The following TDRD10 variants were observed in gnomAD, a reference collection of about 807,000 sequenced individuals.
TDRD10 encodes tudor domain-containing protein 10.
Under a neutral mutation model 48.0 loss-of-function variants are expected in TDRD10, and 40 were observed. That is an observed-to-expected ratio of 0.83 (90% CI 0.65 to 1.09). The LOEUF (loss-of-function observed/expected upper bound fraction) is 1.09, where lower values mean the gene tolerates loss of function less well. TDRD10 is among the 50% of genes least tolerant of loss of function. The probability of loss-of-function intolerance (pLI) is 0.00; values close to 1 mark genes in which losing one functional copy is unlikely to be tolerated. For missense variants in TDRD10, 378 were observed against 434.7 expected (o/e 0.87, Z 1.16); for synonymous variants, 162 against 170.4 (o/e 0.95, Z 0.38).
chr1:154,537,852 A>G (rs1477433951), intron 6 of TDRD10, among the ~76,000 whole-genome samples: 4 of 152,204 alleles, frequency 2.6e-5, no homozygotes, highest in Admixed American at 2.6e-4. Context: ...GTCCCAGAAC[A>G]AAGTAAAGGG....
rs751982492 is a variant in TDRD10, at chr1:154,520,347, T to A, written c.185T>A (p.Val62Asp). 1.2e-6 allele frequency: 2 copies of A among 1,613,966 alleles called. No individual in the cohort carries two copies. The highest frequency in any genetic ancestry group is 8.5e-7 in the Non-Finnish European group (1 of 1,179,832). The change falls in exon 5 of 13, where the codon GTC (valine) becomes GAC (aspartate). Residue 62 changes from valine to aspartate, a missense_variant. By Grantham distance (152) the Val-to-Asp change is radical (BLOSUM62 -3). Around this residue, in one of 2 missense-constraint regions of TDRD10, gnomAD observed 310 missense variants for 323.6 expected, o/e 0.96. Coordinates refer to ENST00000368482, the MANE Select transcript of TDRD10 (RefSeq NM_182499.4). ...CTAAAGGACTTCAACCCTCTTGATGTCCACAAAATCCAGAATGGCTGCAAA... is the reference window on the plus strand; with the variant it reads ...CTAAAGGACTTCAACCCTCTTGATGACCACAAAATCCAGAATGGCTGCAAA... ...YLLKDFNPLDVHKIQNGCKCF... is the reference protein window; with the variant it reads ...YLLKDFNPLDDHKIQNGCKCF...
intron 8 of TDRD10, among the ~76,000 whole-genome samples, chr1:154,543,166 T>C (rs1695344392): frequency 6.6e-6 from 1 of 152,048 alleles, no homozygotes; most frequent in African/African-American, 2.4e-5. Flanking sequence ...TCCCAGCTAC[T>C]TGGGAGGCTG....
At chr1:154,544,620 T>G (rs952631201) in intron 10 of TDRD10, 103 bp downstream of exon 10, 47 of 1,496,698 alleles carry the variant, frequency 3.1e-5, no homozygotes, top group Middle Eastern at 3.8e-4. Context: ...TTCCTGTGGC[T>G]TCTTCTCTCA....
chr1:154,529,003 C>T (rs1216135128), intron 6 of TDRD10, among the ~76,000 whole-genome samples: 1 of 152,120 alleles, frequency 6.6e-6, no homozygotes, highest in Non-Finnish European at 1.5e-5. Flanking sequence ...CTTTACCTTT[C>T]CCTGTTAATA....
chr1:154,540,763 T>A (rs1695182667), intron 6 of TDRD10, among the ~76,000 whole-genome samples: 1 of 152,092 alleles, frequency 6.6e-6, no homozygotes, highest in African/African-American at 2.4e-5. Context: ...GCACTGGAGA[T>A]GGCCTTGGAG....
chr1:154,510,740 G>A (rs894870587), intron 4 of TDRD10, among the ~76,000 whole-genome samples: 11 of 152,062 alleles, frequency 7.2e-5, no homozygotes, highest in Non-Finnish European at 1.6e-4. Flanking sequence ...TACTACAGTA[G>A]CCAGTATTTT....
chr1:154,513,619 G>C (rs1163823653), intron 4 of TDRD10, among the ~76,000 whole-genome samples: 1 of 152,116 alleles, frequency 6.6e-6, no homozygotes, highest in Admixed American at 6.6e-5. Context: ...GAGATAACCA[G>C]ATATGAGCCC....
Position 154,545,033 on chromosome 1 carries a change from A to G in TDRD10, c.952+84A>G, listed in dbSNP as rs376302248. ...TTCTGGGACCTGAACAGGAAGCAGC[A>G]TAGTGGGCGGCCAAGGTGCTTCAGT... On this transcript the variant is annotated intron_variant, in intron 11 of 12. Transcript: ENST00000368482. 340 of 1,537,568 alleles carry G rather than the reference A, an allele frequency of 2.2e-4. 5 individuals are homozygous for G. The East Asian group carries it at 5.8e-3, about 26-fold the overall frequency.
chr1:154,537,066 C>T (rs927324419), intron 6 of TDRD10, among the ~76,000 whole-genome samples: 6 of 152,178 alleles, frequency 3.9e-5, no homozygotes, highest in African/African-American at 1.4e-4. Context: ...CACCTTAGGG[C>T]CTCTGGACCT....
chr1:154,521,003 T>G (rs942780732), intron 5 of TDRD10, among the ~76,000 whole-genome samples: 1 of 152,196 alleles, frequency 6.6e-6, no homozygotes, highest in African/African-American at 2.4e-5. Context: ...CCTCCCAAAG[T>G]GCTGGGATTG....
chr1:154,513,278 A>G (rs1010463212), intron 4 of TDRD10, among the ~76,000 whole-genome samples: 1 of 152,212 alleles, frequency 6.6e-6, no homozygotes, highest in African/African-American at 2.4e-5. Flanking sequence ...ATGGAAAGAT[A>G]ATGGTTCATT....
chr1:154,520,539 TGTGACCCA>T (rs1352595659), intron 5 of TDRD10, among the ~76,000 whole-genome samples, 165 bp downstream of exon 5: 2 of 152,178 alleles, frequency 1.3e-5, no homozygotes, highest in East Asian at 3.8e-4. Context: ...TATTTAACCC[TGTGACCCA>T]GCAGCGAATA....
At chr1:154,520,526 C>G (rs1186740152) in intron 5 of TDRD10, 152 bp downstream of exon 5, 4 of 646,444 alleles carry the variant, frequency 6.2e-6, no homozygotes, top group African/African-American at 5.4e-5. Context: ...AACCCCCTTT[C>G]CATATTTAAC....
At chr1:154,518,567 G>A (rs1170639492) in intron 4 of TDRD10, among the ~76,000 whole-genome samples, 3 of 152,048 alleles carry the variant, frequency 2.0e-5, no homozygotes, top group Non-Finnish European at 4.4e-5. Flanking sequence ...AGCTGGGACT[G>A]CAGGTGCCCG....
At chr1:154,531,633 A>T (rs1290392800) in intron 6 of TDRD10, among the ~76,000 whole-genome samples, 1 of 152,148 alleles carries the variant, frequency 6.6e-6, no homozygotes, top group East Asian at 1.9e-4. Flanking sequence ...GGCAGTGTGG[A>T]CCCGAAGAGT....
intron 11 of TDRD10, among the ~76,000 whole-genome samples, chr1:154,545,769 GTC>G (rs1243833655): frequency 7.2e-6 from 1 of 139,592 alleles, no homozygotes; most frequent in Admixed American, 7.2e-5. Flanking sequence ...GACAAACTAA[GTC>G]TTTTTTTTTT....
chr1:154,508,574 G>C, intron 4 of TDRD10, 93 bp downstream of exon 4: 1 of 858,870 alleles, frequency 1.2e-6, no homozygotes, highest in Non-Finnish European at 2.0e-6. Context: ...AGTTTTTAAA[G>C]ACGTTTGAGA....
chr1:154,507,480 T>C (rs911620502), intron 3 of TDRD10, among the ~76,000 whole-genome samples, 160 bp downstream of exon 3: 1 of 152,158 alleles, frequency 6.6e-6, no homozygotes, highest in Non-Finnish European at 1.5e-5. Context: ...TCCTGTCTCA[T>C]AGTGGATGTG....
rs569513068 is a variant in TDRD10 at position 154,538,853 on chromosome 1, A to G, written c.370-3171A>G. Among the ~76,000 whole-genome samples the G allele has an allele frequency of 4.2e-4, 42 of 100,408 alleles. 1 individual carries two copies. The highest frequency in any genetic ancestry group is 8.5e-4 in the Non-Finnish European group (37 of 43,344). 65.9% of individuals were successfully genotyped at this position (100,408 alleles called of 152,430 possible). ...GGGTGACGGAGCGAGACTCCATCTCACGGTGCTTTGTTATGGGTAAAGAAG... is the reference window on the plus strand; with the variant it reads ...GGGTGACGGAGCGAGACTCCATCTCGCGGTGCTTTGTTATGGGTAAAGAAG... On this transcript the variant is annotated intron_variant, in intron 6 of 12. Transcript: ENST00000368482.
Sources: allele counts gnomAD v4.1 joint callset (sites outside exome capture counted in the v4.1 genomes callset), GRCh38; gene constraint gnomAD v4.1.1; regional missense constraint gnomAD v4.1.1; transcripts MANE v1.5; gene names NCBI Gene and HGNC (gene_info 2026-07-23, HGNC 2026-07-21).